DGKI: variants seen among roughly 807,000 people sequenced by gnomAD.
The protein encoded by DGKI is diacylglycerol kinase iota.
Under a neutral mutation model 147.5 loss-of-function variants are expected in DGKI, and 55 were observed. That is an observed-to-expected ratio of 0.37 (90% CI 0.30 to 0.47). The LOEUF (loss-of-function observed/expected upper bound fraction) is 0.47. DGKI is among the 20% of genes least tolerant of loss of function. DGKI has a pLI of 1.00. For missense variants in DGKI, 1,007 were observed against 1,323.8 expected (o/e 0.76, Z 3.71); for synonymous variants, 469 against 477.1 (o/e 0.98, Z 0.22).
intron 6 of DGKI, among the ~76,000 whole-genome samples, chr7:137,630,649 T>A (rs1383048464): frequency 6.6e-6 from 1 of 152,260 alleles, no homozygotes; most frequent in Non-Finnish European, 1.5e-5. Context: ...TGGCAACTGA[T>A]GTACATTTTA....
intron 23 of DGKI, among the ~76,000 whole-genome samples, chr7:137,478,968 T>C (rs1026948046): frequency 5.9e-5 from 9 of 152,184 alleles, no homozygotes; most frequent in African/African-American, 9.6e-5. Flanking sequence ...ACTGAAGCAA[T>C]AGGATTGTAT....
intron 1 of DGKI, among the ~76,000 whole-genome samples, chr7:137,729,900 CTTG>C (rs1794821888): frequency 6.6e-6 from 1 of 152,100 alleles, no homozygotes; most frequent in Admixed American, 6.6e-5. Flanking sequence ...GAGGATTCAT[CTTG>C]CTCGTTGACA....
At chr7:137,525,645 T>C (rs949077775) in intron 20 of DGKI, among the ~76,000 whole-genome samples, 4 of 152,150 alleles carry the variant, frequency 2.6e-5, no homozygotes, top group South Asian at 2.1e-4. Flanking sequence ...ATCCACCTCA[T>C]AGGCATATTA....
chr7:137,480,592 G>C lies in DGKI; in HGVS notation c.2373+4782C>G, dbSNP rs138945283. ...AATGTAGACTCCGATCTGACCAAGAGGTTGTTTTTTTTTTTCTTATGAAAG... is the reference window on the plus strand; with the variant it reads ...AATGTAGACTCCGATCTGACCAAGACGTTGTTTTTTTTTTTCTTATGAAAG... On this transcript the variant is annotated intron_variant, in intron 23 of 32. Coordinates refer to ENST00000614521, the MANE Select transcript of DGKI (RefSeq NM_001321708.2). Among the ~76,000 whole-genome samples, 428 of 142,872 alleles carry C rather than the reference G, an allele frequency of 3.0e-3. 3 individuals carry two copies. Among genetic ancestry groups the C allele is most frequent in the African/African-American group, 0.012 (419 of 34,320 alleles). The allele number at this position is 142,872 out of a possible 152,430, so 93.7% of individuals were successfully genotyped here. A position where few individuals can be genotyped will look rare whatever the true frequency, so the allele number is the denominator to read the frequency against.
intron 6 of DGKI, among the ~76,000 whole-genome samples, chr7:137,641,491 A>G (rs1220073154): frequency 1.3e-5 from 2 of 152,256 alleles, no homozygotes; most frequent in Non-Finnish European, 2.9e-5. Flanking sequence ...GATAGCTCGT[A>G]GTAAAAACGT....
intron 28 of DGKI, among the ~76,000 whole-genome samples, chr7:137,434,199 T>A (rs1813193095): frequency 2.0e-5 from 3 of 152,188 alleles, no homozygotes; most frequent in African/African-American, 4.8e-5. Context: ...GTTACTTTTT[T>A]ATTTTACAAT....
At chr7:137,647,022 A>AT (rs1175419701) in intron 5 of DGKI, among the ~76,000 whole-genome samples, 1 of 152,232 alleles carries the variant, frequency 6.6e-6, no homozygotes, top group Non-Finnish European at 1.5e-5. Flanking sequence ...TGGTCCCACA[A>AT]TTTAGTCTAA....
intron 1 of DGKI, among the ~76,000 whole-genome samples, chr7:137,764,331 T>C (rs530747588): frequency 8.5e-5 from 13 of 152,346 alleles, no homozygotes; most frequent in African/African-American, 3.1e-4. Context: ...AACTTTTACA[T>C]TGAGAAAGGG....
At chr7:137,575,382 G>A (rs865978459) in intron 17 of DGKI, among the ~76,000 whole-genome samples, 1 of 152,148 alleles carries the variant, frequency 6.6e-6, no homozygotes. Flanking sequence ...CATGAGACAT[G>A]TATCATCAAG....
At chr7:137,558,974 A>T in intron 19 of DGKI, among the ~76,000 whole-genome samples, 1 of 148,212 alleles carries the variant, frequency 6.7e-6, no homozygotes, top group East Asian at 2.0e-4. Flanking sequence ...CGATAAATTC[A>T]GTTTCCTCAT....
chr7:137,678,656 C>A lies in DGKI; in HGVS notation c.511-4G>T, dbSNP rs761530115. On this transcript the variant is annotated splice_polypyrimidine_tract_variant and splice_region_variant and intron_variant, in intron 2 of 32. Transcript: ENST00000614521. The stretch of plus-strand genomic sequence containing the variant: ...GTTCTCCATTCACGGCATTCTCCTG[C>A]AAGGAAAAGACCCACCTGACATCAA... 27 of 1,613,650 alleles carry A rather than the reference C, an allele frequency of 1.7e-5. No individual in the cohort carries two copies. The highest frequency in any genetic ancestry group is 2.2e-5 in the South Asian group (2 of 91,070).
intron 30 of DGKI, among the ~76,000 whole-genome samples, chr7:137,401,349 T>C (rs1003463969): frequency 9.3e-5 from 14 of 149,832 alleles, no homozygotes; most frequent in African/African-American, 1.2e-4. Flanking sequence ...CTGGGTAACA[T>C]AGCAAGACCC....
intron 20 of DGKI, among the ~76,000 whole-genome samples, chr7:137,545,150 A>C (rs1364608347): frequency 6.6e-6 from 1 of 152,198 alleles, no homozygotes; most frequent in East Asian, 1.9e-4. Flanking sequence ...CATGCATAGA[A>C]GGGAGATAAT....
At chr7:137,656,597 T>C in intron 3 of DGKI, 57 bp from the exon 4 acceptor site, 7 of 1,514,304 alleles carry the variant, frequency 4.6e-6, no homozygotes, top group Non-Finnish European at 6.4e-6. Flanking sequence ...TTCTGAAGAG[T>C]TCCCTAGTAT....
In DGKI at chr7:137,466,863, A is replaced by G. The variant is rs953838445; in HGVS notation, c.2484+39T>C. 9 of 1,608,472 alleles carry G rather than the reference A, an allele frequency of 5.6e-6. No homozygotes were observed. The Admixed American group carries it at 1.5e-4, about 27-fold the overall frequency. ...TACCAATAAAGCACATTAACTTGGG[A>G]ATTTTTCACTTTCACAAGCAGGCTG... On this transcript the variant is annotated intron_variant, in intron 25 of 32. Transcript: ENST00000614521.
chr7:137,481,333 A>C (rs1815365296), intron 23 of DGKI, among the ~76,000 whole-genome samples: 1 of 152,152 alleles, frequency 6.6e-6, no homozygotes. Flanking sequence ...GAAGCAGAGA[A>C]GGAATTATCT....
chr7:137,834,623 G>C (rs1307383527), intron 1 of DGKI, among the ~76,000 whole-genome samples: 2 of 152,190 alleles, frequency 1.3e-5, no homozygotes, highest in Admixed American at 6.5e-5. Context: ...CAAATATCTT[G>C]AGGAGGGGAA....
At chr7:137,691,322 C>T (rs549248121) in intron 1 of DGKI, among the ~76,000 whole-genome samples, 4 of 152,284 alleles carry the variant, frequency 2.6e-5, no homozygotes, top group South Asian at 4.1e-4. Flanking sequence ...TTCAGCTAAT[C>T]TCATATGACC....
chr7:137,734,870 C>T (rs1194989773), intron 1 of DGKI, among the ~76,000 whole-genome samples: 1 of 152,084 alleles, frequency 6.6e-6, no homozygotes, highest in East Asian at 1.9e-4. Context: ...TTTAAAGTGC[C>T]TGGCACAGAG....
Sources: gnomAD v4.1 joint callset for allele counts (sites outside exome capture counted in the v4.1 genomes callset) on GRCh38, gnomAD v4.1.1 for gene constraint, MANE v1.5 for transcripts, NCBI Gene and HGNC (gene_info 2026-07-23, HGNC 2026-07-21) for gene names.